Variants in ZDHHC20 observed in about 807,000 individuals in gnomAD.
The protein encoded by ZDHHC20 is palmitoyltransferase ZDHHC20.
ZDHHC20 carries 43 observed loss-of-function variants against 57.8 expected under a neutral mutation model. The ratio of observed to expected loss-of-function variants is 0.74; its 90% CI spans 0.58 to 0.96. The LOEUF is 0.96. ZDHHC20 is among the 40% of genes least tolerant of loss of function. The pLI is 0.00. For missense variants in ZDHHC20, 391 were observed against 441.1 expected (o/e 0.89, Z 1.02); for synonymous variants, 157 against 153.0 (o/e 1.03, Z -0.19).
Position 21,374,782 on chromosome 13 carries a change from A to G in ZDHHC20, c.*1914T>C, listed in dbSNP as rs1249790009. 3.7e-6 allele frequency: 1 copy of G among 273,046 alleles called. No homozygotes were observed. Among genetic ancestry groups the G allele is most frequent in the Non-Finnish European group, 7.2e-6 (1 of 139,144 alleles). The allele number at this position is 273,046 out of a possible 1,614,324, so 16.9% of individuals were successfully genotyped here. A position where few individuals can be genotyped will look rare whatever the true frequency, so the allele number is the denominator to read the frequency against. On this transcript the variant is annotated 3_prime_UTR_variant, in exon 13 of 13. Coordinates refer to ENST00000400590, the MANE Select transcript of ZDHHC20 (RefSeq NM_001330059.2). ...GTAGCAACCATAAAATTTATGCTGTACTAGGAAATGACAGAGCTATTCCTA... is the reference window on the plus strand; with the variant it reads ...GTAGCAACCATAAAATTTATGCTGTGCTAGGAAATGACAGAGCTATTCCTA...
chr13:21,427,115 C>G (rs988769071), intron 1 of ZDHHC20, among the ~76,000 whole-genome samples: 1 of 152,166 alleles, frequency 6.6e-6, no homozygotes, highest in Non-Finnish European at 1.5e-5. Flanking sequence ...CCACTGATCA[C>G]TCTTCCATCT....
chr13:21,402,867 C>G lies in ZDHHC20; in HGVS notation c.371-1G>C. On this transcript the variant is annotated splice_acceptor_variant, in intron 4 of 12. Coordinates refer to ENST00000400590, the MANE Select transcript of ZDHHC20 (RefSeq NM_001330059.2). LOFTEE classifies it high-confidence loss of function. ...TGACATTTTTCACAATATCTGATAG[C>G]TACATGAAAGAAGTAAAAGGAAGAT... 2 of 1,586,478 alleles carry G rather than the reference C, an allele frequency of 1.3e-6. No individual in the cohort carries two copies. Among genetic ancestry groups the G allele is most frequent in the Non-Finnish European group, 1.7e-6 (2 of 1,165,306 alleles).
intron 1 of ZDHHC20, among the ~76,000 whole-genome samples, chr13:21,432,609 G>A (rs1220868444): frequency 6.6e-6 from 1 of 152,128 alleles, no homozygotes; most frequent in African/African-American, 2.4e-5. Context: ...TGGGATTACA[G>A]GCATGAGACA....
In ZDHHC20 at chr13:21,374,091, A is replaced by T. The variant is rs572171656; in HGVS notation, c.*2605T>A. The T allele has an allele frequency of 8.8e-5, 14 of 158,248 alleles. No individual in the cohort carries two copies. The highest frequency in any genetic ancestry group is 3.1e-4 in the African/African-American group (13 of 41,862). The allele number at this position is 158,248 out of a possible 1,614,324, so 9.8% of individuals were successfully genotyped here. On this transcript the variant is annotated 3_prime_UTR_variant, in exon 13 of 13. Coordinates refer to ENST00000400590, the MANE Select transcript of ZDHHC20 (RefSeq NM_001330059.2). ...CCTTGGCGTTAGCCAGGTGCATGCAAATCTTTTTATCTGAATGTAGAAATG... is the reference window on the plus strand; with the variant it reads ...CCTTGGCGTTAGCCAGGTGCATGCATATCTTTTTATCTGAATGTAGAAATG...
intron 8 of ZDHHC20, among the ~76,000 whole-genome samples, chr13:21,388,929 C>T (rs1365022117): frequency 1.3e-5 from 2 of 151,822 alleles, no homozygotes; most frequent in Non-Finnish European, 2.9e-5. Context: ...CTAGAATGGA[C>T]ATGGGTGAGA....
chr13:21,420,873 A>G (rs1593242171), intron 3 of ZDHHC20, among the ~76,000 whole-genome samples, 188 bp downstream of exon 3: 1 of 152,212 alleles, frequency 6.6e-6, no homozygotes, highest in East Asian at 1.9e-4. Flanking sequence ...AACTTTTACT[A>G]TGCTGTGTCA....
chr13:21,381,629 A>C (rs1049143047), intron 10 of ZDHHC20, 80 bp from the exon 11 acceptor site: 1 of 943,924 alleles, frequency 1.1e-6, no homozygotes, highest in African/African-American at 1.6e-5. Context: ...GCAGCAAATT[A>C]GTATTCCTTC....
intron 4 of ZDHHC20, among the ~76,000 whole-genome samples, chr13:21,404,538 G>A (rs1162602963): frequency 6.6e-6 from 1 of 152,098 alleles, no homozygotes; most frequent in Non-Finnish European, 1.5e-5. Flanking sequence ...GGATCACGAG[G>A]TCAGGAGATT....
intron 2 of ZDHHC20, among the ~76,000 whole-genome samples, chr13:21,423,423 C>T (rs1019789259): frequency 9.2e-5 from 14 of 152,060 alleles, no homozygotes; most frequent in South Asian, 2.1e-4. Context: ...TGCCTGTATT[C>T]CCAGCACTTT....
intron 2 of ZDHHC20, 104 bp from the exon 3 acceptor site, chr13:21,421,268 CAATTA>C (rs1163886654): frequency 2.5e-6 from 2 of 789,184 alleles, no homozygotes; most frequent in African/African-American, 1.8e-5. Context: ...ATCCAATAAA[CAATTA>C]AATTAAAATG....
intron 4 of ZDHHC20, among the ~76,000 whole-genome samples, chr13:21,406,277 A>G (rs1878425537): frequency 6.6e-6 from 1 of 152,032 alleles, no homozygotes; most frequent in Non-Finnish European, 1.5e-5. Context: ...ACTGTTTAAT[A>G]CTCATTTCCC....
At chr13:21,447,324 G>A (rs1302992684) in intron 1 of ZDHHC20, among the ~76,000 whole-genome samples, 6 of 149,890 alleles carry the variant, frequency 4.0e-5, no homozygotes, top group African/African-American at 7.3e-5. Context: ...CTCTCCCCAC[G>A]GTCTCCCTCT....
intron 4 of ZDHHC20, among the ~76,000 whole-genome samples, chr13:21,413,018 T>G (rs1454208139): frequency 6.7e-6 from 1 of 148,632 alleles, no homozygotes; most frequent in Admixed American, 6.7e-5. Flanking sequence ...AAAAAAAAAT[T>G]CTTTTAAATA....
rs758950956 is a variant in ZDHHC20 at position 21,374,980 on chromosome 13, G to C, written c.*1716C>G. 2.7e-6 allele frequency: 1 copy of C among 367,294 alleles called. No homozygotes were observed. The highest frequency in any genetic ancestry group is 3.6e-5 in the Admixed American group (1 of 27,570). The allele number at this position is 367,294 out of a possible 1,614,324, so 22.8% of individuals were successfully genotyped here. On this transcript the variant is annotated 3_prime_UTR_variant, in exon 13 of 13. Coordinates refer to ENST00000400590, the MANE Select transcript of ZDHHC20 (RefSeq NM_001330059.2). Reference sequence around the variant, plus strand: ...GAAACCTCGTCTCTTCTAAAAATGTGAAAATTAGCCGGGCATGGTGGCATG... The same window carrying C: ...GAAACCTCGTCTCTTCTAAAAATGTCAAAATTAGCCGGGCATGGTGGCATG...
rs1396909800 is a variant in ZDHHC20 at position 21,373,980 on chromosome 13, T to C, written c.*2716A>G. ...TTCTGAAAAGATGTTTGCTGTGCTA[T>C]TAAAGATGTTAAATAACAAAAATTA... On this transcript the variant is annotated 3_prime_UTR_variant, in exon 13 of 13. Coordinates refer to ENST00000400590, the MANE Select transcript of ZDHHC20 (RefSeq NM_001330059.2). 3 of 152,390 alleles carry C rather than the reference T, an allele frequency of 2.0e-5. No homozygotes were observed. Among genetic ancestry groups the C allele is most frequent in the African/African-American group, 7.2e-5 (3 of 41,450 alleles). The allele number at this position is 152,390 out of a possible 1,614,324, so 9.4% of individuals were successfully genotyped here.
At chr13:21,408,739 G>C (rs1471792397) in intron 4 of ZDHHC20, among the ~76,000 whole-genome samples, 2 of 152,114 alleles carry the variant, frequency 1.3e-5, no homozygotes, top group African/African-American at 2.4e-5. Context: ...TATGATATTG[G>C]CTGTGGGTTT....
chr13:21,448,622 C>T lies in ZDHHC20; in HGVS notation c.118+10432G>A, dbSNP rs1384618149. Among the ~76,000 whole-genome samples, 4 of 94,342 alleles carry T rather than the reference C, an allele frequency of 4.2e-5. 1 individual carries two copies. The highest frequency in any genetic ancestry group is 9.7e-5 in the African/African-American group (3 of 31,072). 61.9% of individuals were successfully genotyped at this position (94,342 alleles called of 152,430 possible). A position where few individuals can be genotyped will look rare whatever the true frequency, so the allele number is the denominator to read the frequency against. Reference sequence around the variant, plus strand: ...GGGGTCAGCCCCCTGCCCGGCCGGCCGCCCCGTCCGGGAGGTGAGGGGCGC... The same window carrying T: ...GGGGTCAGCCCCCTGCCCGGCCGGCTGCCCCGTCCGGGAGGTGAGGGGCGC... On this transcript the variant is annotated intron_variant, in intron 1 of 12. Transcript: ENST00000400590.
At chr13:21,400,989 T>A (rs2137793536) in intron 6 of ZDHHC20, among the ~76,000 whole-genome samples, 1 of 152,060 alleles carries the variant, frequency 6.6e-6, no homozygotes, top group Middle Eastern at 3.4e-3. Flanking sequence ...TTAAAAAAAA[T>A]AAATTGGGCC....
chr13:21,401,370 T>C (rs151172170), intron 6 of ZDHHC20, among the ~76,000 whole-genome samples: 1 of 152,254 alleles, frequency 6.6e-6, no homozygotes, highest in East Asian at 1.9e-4. Flanking sequence ...ATCTGGGAAG[T>C]TGAGTGGTGT....
Sources: gnomAD v4.1 joint callset for allele counts (sites outside exome capture counted in the v4.1 genomes callset) on GRCh38, gnomAD v4.1.1 for gene constraint, MANE v1.5 for transcripts, NCBI Gene and HGNC (gene_info 2026-07-23, HGNC 2026-07-21) for gene names.